Variants in SEC24C observed in about 807,000 individuals in gnomAD.
The protein encoded by SEC24C is protein transport protein Sec24C.
In SEC24C, 22 loss-of-function variants were observed where a neutral mutation model predicts 117.0. That is an observed-to-expected ratio of 0.19 (90% CI 0.13 to 0.27). The LOEUF (loss-of-function observed/expected upper bound fraction) is 0.27. Among genes scored for constraint, SEC24C ranks in the 10% least tolerant of loss-of-function variants. The probability of loss-of-function intolerance (pLI) is 1.00; values close to 1 mark genes in which losing one functional copy is unlikely to be tolerated. For missense variants in SEC24C, 1,155 were observed against 1,375.1 expected (o/e 0.84, Z 2.53); for synonymous variants, 506 against 529.4 (o/e 0.96, Z 0.61).
At chr10:73,753,599 G>A (rs555769897) in intron 3 of SEC24C, among the ~76,000 whole-genome samples, 1 of 152,224 alleles carries the variant, frequency 6.6e-6, no homozygotes, top group East Asian at 1.9e-4. Flanking sequence ...GGCCCAAAAG[G>A]TCGAGGCTAC....
intron 2 of SEC24C, among the ~76,000 whole-genome samples, chr10:73,750,647 C>G (rs1207895513): frequency 6.6e-6 from 1 of 152,218 alleles, no homozygotes; most frequent in Non-Finnish European, 1.5e-5. Flanking sequence ...AAGAAGGTGG[C>G]AGAATAATCT....
At chr10:73,749,273 C>T (rs1489769466) in intron 2 of SEC24C, among the ~76,000 whole-genome samples, 4 of 152,132 alleles carry the variant, frequency 2.6e-5, no homozygotes, top group Non-Finnish European at 4.4e-5. Context: ...ATAATTTATT[C>T]GTCATATATG....
Position 73,760,115 on chromosome 10 carries a change from C to T in SEC24C, c.579C>T (p.Ala193=). The T allele has an allele frequency of 6.2e-7, 1 of 1,613,014 alleles. No individual in the cohort carries two copies. The highest frequency in any genetic ancestry group is 8.5e-7 in the Non-Finnish European group (1 of 1,179,058). ...GCCAGGCTCCTCCCCTTAGCCAGGC[C>T]CAAGGTCATCCTGGGATCCAGACTC... ...PQGQAPPLSQ[A]QGHPGIQTPQ... is the part of the protein sequence containing the mutation. Residue 193 remains alanine, a synonymous_variant, in exon 5 of 23, where the codon GCC becomes GCT. Coordinates refer to ENST00000345254, the MANE Select transcript of SEC24C (RefSeq NM_198597.3).
intron 3 of SEC24C, chr10:73,751,747 G>A (rs1035614887): frequency 3.9e-5 from 6 of 152,122 alleles, no homozygotes; most frequent in Admixed American, 2.0e-4. Flanking sequence ...CCAGCCCTGT[G>A]GATTATTGAC....
At chr10:73,750,567 G>A (rs1042197691) in intron 2 of SEC24C, among the ~76,000 whole-genome samples, 5 of 152,218 alleles carry the variant, frequency 3.3e-5, no homozygotes, top group Non-Finnish European at 5.9e-5. Context: ...TTCCTGAATC[G>A]TGCTGTTTCA....
intron 11 of SEC24C, 44 bp downstream of exon 11, chr10:73,766,254 G>A (rs1485925613): frequency 6.3e-7 from 1 of 1,591,472 alleles, no homozygotes; most frequent in Non-Finnish European, 8.6e-7. Flanking sequence ...TTAATGATAG[G>A]GTGTCTGGGT....
At chr10:73,763,302 G>A (rs2082825704) in intron 6 of SEC24C, among the ~76,000 whole-genome samples, 188 bp from the exon 7 acceptor site, 1 of 152,228 alleles carries the variant, frequency 6.6e-6, no homozygotes, top group Admixed American at 6.5e-5. Flanking sequence ...ATTGGCTGCT[G>A]TAGAGTGTAA....
Position 73,771,458 on chromosome 10 carries a change from A to C in SEC24C, c.*363A>C. On this transcript the variant is annotated 3_prime_UTR_variant, in exon 23 of 23. Transcript: ENST00000345254. ...TCCCAAGAGGAGAGGGGCAGGCAGG[A>C]AAGAGTGGGGATCCTAAGGTTACTA... 4.6e-6 allele frequency: 1 copy of C among 219,702 alleles called. No homozygotes were observed. The highest frequency in any genetic ancestry group is 5.2e-5 in the Admixed American group (1 of 19,222). 13.6% of individuals were successfully genotyped at this position (219,702 alleles called of 1,614,324 possible).
chr10:73,744,938 C>G (rs2082523386), intron 1 of SEC24C, among the ~76,000 whole-genome samples: 1 of 152,166 alleles, frequency 6.6e-6, no homozygotes, highest in Admixed American at 6.6e-5. Context: ...TTACCCCTCC[C>G]CCCGGCTTTG....
In SEC24C at chr10:73,770,337, C is replaced by T. The variant is rs756038974; in HGVS notation, c.2920C>T (p.Arg974Cys). The change falls in exon 21 of 23, where the codon CGT becomes TGT. Residue 974 changes from arginine to cysteine, a missense_variant. Physicochemically the swap from Arg to Cys is radical, Grantham distance 180. Transcript: ENST00000345254. ...ACCAGCAGTTCGAGCCTCTGAAGAG[C>T]GTCTAAGCAATGGGGATATATATTT... ...EPPAVRASEE[R>C]LSNGDIYLLE... The T allele has an allele frequency of 1.2e-6, 2 of 1,613,756 alleles. No individual in the cohort carries two copies. The highest frequency in any genetic ancestry group is 1.1e-5 in the South Asian group (1 of 91,068).
chr10:73,751,181 A>G lies in SEC24C; in HGVS notation c.246A>G (p.Ala82=), dbSNP rs759042008. 6 of 1,614,078 alleles carry G rather than the reference A, an allele frequency of 3.7e-6. No individual in the cohort carries two copies. The East Asian group carries it at 6.7e-5, about 18-fold the overall frequency. ...CACAGGCTCCTTGTGGCCAGGCTGC[A>G]TATGGCCAGTTTGGCCAAGGAGATG... ...STAQAPCGQA[A]YGQFGQGDVQ... The change falls in exon 3 of 23, where the codon GCA becomes GCG. Residue 82 remains alanine (A), a synonymous_variant. Transcript: ENST00000345254.
chr10:73,758,018 G>A (rs1206345297), intron 3 of SEC24C, among the ~76,000 whole-genome samples: 1 of 150,478 alleles, frequency 6.6e-6, no homozygotes, highest in African/African-American at 2.5e-5. Context: ...GGCGAATCAC[G>A]AGGTCAGGAG....
At chr10:73,766,648 G>A in intron 12 of SEC24C, 107 bp downstream of exon 12, 3 of 1,446,758 alleles carry the variant, frequency 2.1e-6, no homozygotes, top group South Asian at 2.4e-5. Context: ...AGGGGTTGTG[G>A]CCCAGGAGTT....
rs941944368 is a variant in SEC24C, at chr10:73,772,021, A to G, written c.*926A>G. 7 of 307,300 alleles carry G rather than the reference A, an allele frequency of 2.3e-5. No individual in the cohort carries two copies. The highest frequency in any genetic ancestry group is 1.1e-4 in the African/African-American group (5 of 46,732). 19.0% of individuals were successfully genotyped at this position (307,300 alleles called of 1,614,324 possible). A position where few individuals can be genotyped will look rare whatever the true frequency, so the allele number is the denominator to read the frequency against. ...CAACCCCAACTGGCTTGGGGGCAGG[A>G]CAAGGGCTAGGCTTGATGGTGGCCA... On this transcript the variant is annotated 3_prime_UTR_variant, in exon 23 of 23. Transcript: ENST00000345254.
At chr10:73,770,672 T>C (rs1295583209) in intron 21 of SEC24C, 37 bp from the exon 22 acceptor site, 2 of 1,605,822 alleles carry the variant, frequency 1.2e-6, no homozygotes, top group East Asian at 4.5e-5. Flanking sequence ...GAACTCAGAG[T>C]GCCTTACCAT....
intron 6 of SEC24C, chr10:73,762,219 C>T (rs1451095772): frequency 1.7e-6 from 2 of 1,191,200 alleles, no homozygotes. Flanking sequence ...TAGTGCCATC[C>T]ATGCATGCCT....
chr10:73,765,892 T>C lies in SEC24C; in HGVS notation c.1459T>C (p.Leu487=). Residue 487 remains leucine, a synonymous_variant, in exon 10 of 23, where the codon TTG becomes CTG. Transcript: ENST00000345254. The part of the protein sequence containing the change: ...PELSLGSYEF[L]ATVDYCKNNK... ...GCTATCCCTGGGCTCTTATGAATTC[T>C]TGGCCACTGTAGATTACTGCAAGGT... 6.2e-7 allele frequency: 1 copy of C among 1,614,100 alleles called. No homozygotes were observed. Among genetic ancestry groups the C allele is most frequent in the Non-Finnish European group, 8.5e-7 (1 of 1,179,962 alleles).
chr10:73,761,889 A>G (rs1024961028), intron 6 of SEC24C, among the ~76,000 whole-genome samples: 18 of 151,944 alleles, frequency 1.2e-4, no homozygotes, highest in Middle Eastern at 3.4e-3. Context: ...TTATCTTTCT[A>G]CATCATAGTC....
At position 73,767,886 on chromosome 10, in the gene SEC24C, G is replaced by C; in HGVS notation, c.2060G>C (p.Cys687Ser). 6.2e-7 allele frequency: 1 copy of C among 1,613,668 alleles called. No individual in the cohort carries two copies. Among genetic ancestry groups the C allele is most frequent in the Non-Finnish European group, 8.5e-7 (1 of 1,179,782 alleles). Reference sequence around the variant, plus strand: ...GCCTATCAGACCCTGGCCAAAGAGTGTGTGGCCCAAGGCTGCTGTGTAGAT... The same window carrying C: ...GCCTATCAGACCCTGGCCAAAGAGTCTGTGGCCCAAGGCTGCTGTGTAGAT... ...TGAYQTLAKE[C>S]VAQGCCVDLF... The change falls in exon 15 of 23, where the codon TGT becomes TCT. Residue 687 changes from cysteine to serine, a missense_variant. Physicochemically the swap from Cys to Ser is moderately radical, Grantham distance 112. This residue lies in a region of SEC24C where 759 missense variants were observed against 992.3 expected (regional missense o/e 0.76). Coordinates refer to ENST00000345254, the MANE Select transcript of SEC24C (RefSeq NM_198597.3).
Sources: allele counts gnomAD v4.1 joint callset (sites outside exome capture counted in the v4.1 genomes callset), GRCh38; gene constraint gnomAD v4.1.1; regional missense constraint gnomAD v4.1.1; transcripts MANE v1.5; gene names NCBI Gene and HGNC (gene_info 2026-07-23, HGNC 2026-07-21).